The following INTS1 variants were observed in gnomAD, a reference collection of about 807,000 sequenced individuals.
The protein encoded by INTS1 is integrator complex subunit 1.
In INTS1, 137 loss-of-function variants were observed where a neutral mutation model predicts 241.6. The ratio of observed to expected loss-of-function variants is 0.57; its 90% CI spans 0.49 to 0.65. The LOEUF is 0.65. Ranked by LOEUF, INTS1 falls within the 30% of genes least tolerant of loss-of-function variation. The probability of loss-of-function intolerance (pLI) is 0.00; values close to 1 mark genes in which losing one functional copy is unlikely to be tolerated. For missense variants in INTS1, 3,073 were observed against 3,032.2 expected, an observed-to-expected ratio of 1.01 and a Z score of -0.32; for synonymous variants, 1,692 against 1,337.8, an observed-to-expected ratio of 1.26 and a Z score of -5.78.
chr7:1,473,701 G>A lies in INTS1; in HGVS notation c.5830-8C>T, dbSNP rs373889463. ...GGAGGACTTCCTGTAATTCTGCAAAGCAAAAGCGGCACCCTCGAGCTGCTC... is the reference window on the plus strand; with the variant it reads ...GGAGGACTTCCTGTAATTCTGCAAAACAAAAGCGGCACCCTCGAGCTGCTC... On this transcript the variant is annotated splice_region_variant and splice_polypyrimidine_tract_variant and intron_variant, in intron 41 of 47. Coordinates refer to ENST00000404767, the MANE Select transcript of INTS1 (RefSeq NM_001080453.3). 131 of 1,612,606 alleles carry A rather than the reference G, an allele frequency of 8.1e-5. No homozygotes were observed. Among genetic ancestry groups the A allele is most frequent in the Non-Finnish European group, 1.1e-4 (130 of 1,179,684 alleles).
rs752433969 is a variant in INTS1, at chr7:1,482,567, C to A, written c.3682G>T (p.Val1228Leu). The change falls in exon 27 of 48, where the codon GTG becomes TTG. Residue 1228 changes from valine (V) to leucine (L), a missense_variant. Physicochemically the swap from Val to Leu is conservative, Grantham distance 32. Transcript: ENST00000404767. Reference protein sequence around the residue: ...WLKLRMIRSEVLRLVDAALQD... With the variant: ...WLKLRMIRSELLRLVDAALQD... Reference sequence around the variant, plus strand: ...GTACCGGCGTCCACCAGGCGGAGCACCTCAGAACGGATCATGCGCAGCTTC... The same window carrying A: ...GTACCGGCGTCCACCAGGCGGAGCAACTCAGAACGGATCATGCGCAGCTTC... 2 of 1,612,518 alleles carry A rather than the reference C, an allele frequency of 1.2e-6. No homozygotes were observed. Among genetic ancestry groups the A allele is most frequent in the Admixed American group, 3.3e-5 (2 of 59,988 alleles).
chr7:1,489,415 G>C lies in INTS1; in HGVS notation c.2258-11C>G. 6.2e-7 allele frequency: 1 copy of C among 1,603,234 alleles called. No individual in the cohort carries two copies. Among genetic ancestry groups the C allele is most frequent in the Non-Finnish European group, 8.5e-7 (1 of 1,175,928 alleles). On this transcript the variant is annotated splice_polypyrimidine_tract_variant and intron_variant, in intron 17 of 47. Transcript: ENST00000404767. The stretch of plus-strand genomic sequence containing the variant: ...CCCACGCAGCCAGGCCTAGGGAACC[G>C]GAGGGTGTGGGGCTGGCCAGGCTCC...
At chr7:1,490,227 G>A (rs924228658) in intron 16 of INTS1, among the ~76,000 whole-genome samples, 1 of 152,222 alleles carries the variant, frequency 6.6e-6, no homozygotes, top group Non-Finnish European at 1.5e-5. Flanking sequence ...GAGAGCACGC[G>A]AGGCTCAAGT....
intron 20 of INTS1, 67 bp downstream of exon 20, chr7:1,487,253 A>G: frequency 6.5e-7 from 1 of 1,537,076 alleles, no homozygotes; most frequent in Non-Finnish European, 8.8e-7. Flanking sequence ...TCTGGCCACC[A>G]AGGCCTCCGG....
chr7:1,473,880 T>G (rs572693564), intron 41 of INTS1, among the ~76,000 whole-genome samples, 187 bp from the exon 42 acceptor site: 1 of 152,302 alleles, frequency 6.6e-6, no homozygotes, highest in African/African-American at 2.4e-5. Context: ...GACATGGCTG[T>G]CTGGGGCATG....
intron 18 of INTS1, among the ~76,000 whole-genome samples, chr7:1,488,405 C>T (rs1362950956): frequency 6.6e-6 from 1 of 152,146 alleles, no homozygotes; most frequent in East Asian, 1.9e-4. Context: ...CCCAGCTCCC[C>T]ATGGCCGCTC....
At chr7:1,498,948 G>GGCC in intron 8 of INTS1, 27 bp downstream of exon 8, 3 of 946,722 alleles carry the variant, frequency 3.2e-6, no homozygotes, top group Non-Finnish European at 4.3e-6. Context: ...CCCCTGCCCC[G>GGCC]CCCACCCCCC....
intron 45 of INTS1, 29 bp from the exon 46 acceptor site, chr7:1,471,253 G>A: frequency 6.4e-7 from 1 of 1,553,318 alleles, no homozygotes; most frequent in Non-Finnish European, 8.7e-7. Context: ...GGAGGTGTGT[G>A]ACCAAGGGGT....
chr7:1,482,047 T>C (rs568574556), intron 27 of INTS1, among the ~76,000 whole-genome samples: 1 of 152,256 alleles, frequency 6.6e-6, no homozygotes, highest in Admixed American at 6.5e-5. Context: ...CTAGACCCCT[T>C]GGCAGTCATG....
intron 21 of INTS1, 24 bp downstream of exon 21, chr7:1,486,898 G>A (rs76253567): frequency 2.2e-5 from 35 of 1,588,532 alleles, no homozygotes; most frequent in South Asian, 5.6e-5. Context: ...GAGGCGGGGG[G>A]GCTGAGGGGT....
At position 1,502,866 on chromosome 7, in the gene INTS1, G is replaced by A. The variant is rs370499438; in HGVS notation, c.349+35C>T. 168 of 1,609,366 alleles carry A rather than the reference G, an allele frequency of 1.0e-4. No individual in the cohort carries two copies. In the African/African-American group the frequency reaches 1.9e-3, roughly 18 times the overall value. On this transcript the variant is annotated intron_variant, in intron 3 of 47. Transcript: ENST00000404767. ...ACACCTGATGGACGGCATGAGCTGA[G>A]GGGTGTTCTCGGGGGATGTCCACAG... is the stretch of plus-strand genomic sequence containing the variant.
rs781174873 is a variant in INTS1 at position 1,476,905 on chromosome 7, G to C, written c.4952C>G (p.Ala1651Gly). The C allele has an allele frequency of 6.2e-7, 1 of 1,611,190 alleles. No individual in the cohort carries two copies. The highest frequency in any genetic ancestry group is 8.5e-7 in the Non-Finnish European group (1 of 1,179,470). The part of the protein sequence containing the change: ...LFSRRKGKGQ[A>G]QVPSFRPYLL... ...GTAGGGACGGAACGAGGGCACCTGGGCCTGACCTTTGCCCTGGGGAGGGAG... is the reference window on the plus strand; with the variant it reads ...GTAGGGACGGAACGAGGGCACCTGGCCCTGACCTTTGCCCTGGGGAGGGAG... Residue 1651 changes from alanine (A) to glycine (G), a missense_variant, in exon 36 of 48, where the codon GCC becomes GGC. Ala to Gly is a moderately conservative substitution (Grantham distance 60). Transcript: ENST00000404767.
chr7:1,474,809 C>G lies in INTS1; in HGVS notation c.5532G>C (p.Thr1844=). The change falls in exon 40 of 48, where the codon ACG becomes ACC. Residue 1844 remains threonine (T), a synonymous_variant. Coordinates refer to ENST00000404767, the MANE Select transcript of INTS1 (RefSeq NM_001080453.3). ...KLDGLIHRFI[T]LLADTSDSRA... ...GGGAGTCGCTGGTGTCCGCAAGGAG[C>G]GTGATGAAGCGGTGGATGAGTCCGT... 1 of 1,590,352 alleles carries G rather than the reference C, an allele frequency of 6.3e-7. No individual in the cohort carries two copies. Among genetic ancestry groups the G allele is most frequent in the Non-Finnish European group, 8.5e-7 (1 of 1,170,922 alleles).
Position 1,478,708 on chromosome 7 carries a change from G to T in INTS1, c.4489+18C>A, listed in dbSNP as rs774847732. On this transcript the variant is annotated intron_variant, in intron 32 of 47. Transcript: ENST00000404767. The stretch of plus-strand genomic sequence containing the variant: ...TCCAGTGCCCCCCAGCCGTCTGCCA[G>T]CCCGGCGCGGTCCTCACCATCACTG... 2 of 1,538,576 alleles carry T rather than the reference G, an allele frequency of 1.3e-6. No homozygotes were observed. The highest frequency in any genetic ancestry group is 8.8e-7 in the Non-Finnish European group (1 of 1,140,094).
At chr7:1,499,427 C>T in intron 6 of INTS1, 46 bp downstream of exon 6, 1 of 1,563,040 alleles carries the variant, frequency 6.4e-7, no homozygotes, top group Non-Finnish European at 8.7e-7. Context: ...CCTCCCCTGC[C>T]CTGGGGCTTG....
chr7:1,497,466 T>C lies in INTS1; in HGVS notation c.1426-152A>G, dbSNP rs780810497. Among the ~76,000 whole-genome samples the C allele has an allele frequency of 9.9e-5, 15 of 152,134 alleles. No homozygotes were observed. The highest frequency in any genetic ancestry group is 1.8e-4 in the Non-Finnish European group (12 of 68,010). On this transcript the variant is annotated intron_variant, in intron 10 of 47. Coordinates refer to ENST00000404767, the MANE Select transcript of INTS1 (RefSeq NM_001080453.3). This position sits in a 1 kb window ranked among gnomAD's most constrained non-coding sequence, Gnocchi z 5.3. ...CGGGGTGGCGGGCTCCTTGCTCTACTGGCTGCCAGCCCTTGGCGAGCAGGG... is the reference window on the plus strand; with the variant it reads ...CGGGGTGGCGGGCTCCTTGCTCTACCGGCTGCCAGCCCTTGGCGAGCAGGG...
chr7:1,503,947 T>A lies in INTS1; in HGVS notation c.14A>T (p.Lys5Met). The stretch of plus-strand genomic sequence containing the variant: ...GCTGGGCCGGCGCACCGTGGTGGGC[T>A]TGGCCCGGTTCATCCTGCCCCGTCC... MNRAKPTTVRRPSAA... is the reference protein window; with the variant it reads MNRAMPTTVRRPSAA... Residue 5 changes from lysine (K) to methionine (M), a missense_variant, in exon 2 of 48, where the codon AAG becomes ATG. Coordinates refer to ENST00000404767, the MANE Select transcript of INTS1 (RefSeq NM_001080453.3). 6.4e-7 allele frequency: 1 copy of A among 1,566,864 alleles called. No individual in the cohort carries two copies.
At chr7:1,477,411 T>C in intron 35 of INTS1, 139 bp downstream of exon 35, 1 of 1,006,044 alleles carries the variant, frequency 9.9e-7, no homozygotes, top group Non-Finnish European at 1.4e-6. Context: ...TCTGGGTTGC[T>C]ACAGGGACAC....
Position 1,477,537 on chromosome 7 carries a change from G to C in INTS1, c.4938+13C>G. On this transcript the variant is annotated intron_variant, in intron 35 of 47. Coordinates refer to ENST00000404767, the MANE Select transcript of INTS1 (RefSeq NM_001080453.3). Reference sequence around the variant, plus strand: ...TGGGGTGGGTCCCCGTGCTGAAGCTGGGTGCCACCCACCTTCCTCCGGGAG... The same window carrying C: ...TGGGGTGGGTCCCCGTGCTGAAGCTCGGTGCCACCCACCTTCCTCCGGGAG... 15 of 1,501,426 alleles carry C rather than the reference G, an allele frequency of 1.0e-5. No individual in the cohort carries two copies. The highest frequency in any genetic ancestry group is 1.3e-5 in the Non-Finnish European group (15 of 1,126,698). 93.0% of individuals were successfully genotyped at this position (1,501,426 alleles called of 1,614,324 possible).
Sources: allele counts gnomAD v4.1 joint callset (sites outside exome capture counted in the v4.1 genomes callset), GRCh38; gene constraint gnomAD v4.1.1; non-coding constraint Gnocchi (gnomAD v3.1); transcripts MANE v1.5; gene names NCBI Gene and HGNC (gene_info 2026-07-23, HGNC 2026-07-21).